Variants in LRMDA observed in about 807,000 individuals in gnomAD.
The protein encoded by LRMDA is leucine rich melanocyte differentiation associated.
Under a neutral mutation model 29.8 loss-of-function variants are expected in LRMDA, and 18 were observed. That is an observed-to-expected ratio of 0.60 (90% CI 0.42 to 0.90). The LOEUF (loss-of-function observed/expected upper bound fraction) is 0.90, where lower values mean the gene tolerates loss of function less well. Ranked by LOEUF, LRMDA falls within the 40% of genes least tolerant of loss-of-function variation. The probability of loss-of-function intolerance (pLI) is 0.00; values close to 1 mark genes in which losing one functional copy is unlikely to be tolerated. For synonymous variants in LRMDA, 125 were observed against 109.4 expected, an observed-to-expected ratio of 1.14 and a Z score of -0.89; for missense variants, 273 against 273.9, an observed-to-expected ratio of 1.00 and a Z score of 0.02.
intron 2 of LRMDA, among the ~76,000 whole-genome samples, chr10:75,469,476 C>T (rs1423074057): frequency 1.3e-5 from 2 of 152,056 alleles, no homozygotes; most frequent in African/African-American, 4.8e-5. Context: ...CCCTTTCCTT[C>T]CCAACCCCTT....
chr10:76,061,056 A>G (rs932392835), intron 5 of LRMDA, among the ~76,000 whole-genome samples: 2 of 152,222 alleles, frequency 1.3e-5, no homozygotes, highest in Non-Finnish European at 2.9e-5. Context: ...ATTCTATCAT[A>G]AAGACACATA....
At chr10:76,280,268 A>G (rs1840186260) in intron 5 of LRMDA, among the ~76,000 whole-genome samples, 1 of 152,174 alleles carries the variant, frequency 6.6e-6, no homozygotes, top group Non-Finnish European at 1.5e-5. Flanking sequence ...TGTGATGGAA[A>G]GAATGAAGGG....
chr10:75,435,477 C>T (rs990895902), intron 1 of LRMDA, among the ~76,000 whole-genome samples: 7 of 152,186 alleles, frequency 4.6e-5, no homozygotes, highest in African/African-American at 7.2e-5. Flanking sequence ...TCAGCCTGGT[C>T]GGCTTAACTC....
chr10:76,292,689 T>C (rs899308952), intron 5 of LRMDA, among the ~76,000 whole-genome samples: 5 of 152,086 alleles, frequency 3.3e-5, no homozygotes, highest in Non-Finnish European at 7.4e-5. Context: ...TGACTCTTTA[T>C]GCACACGCTT....
At chr10:75,446,990 A>G (rs1366578247) in intron 2 of LRMDA, among the ~76,000 whole-genome samples, 2 of 152,220 alleles carry the variant, frequency 1.3e-5, no homozygotes, top group African/African-American at 4.8e-5. Flanking sequence ...TTTGGGAAGC[A>G]TGCTGATATT....
At chr10:75,852,648 A>C (rs888774923) in intron 2 of LRMDA, among the ~76,000 whole-genome samples, 1 of 152,166 alleles carries the variant, frequency 6.6e-6, no homozygotes, top group Non-Finnish European at 1.5e-5. Context: ...CAGAGCTGAC[A>C]AGGAAATTCT....
intron 2 of LRMDA, among the ~76,000 whole-genome samples, chr10:75,727,764 T>G (rs568498534): frequency 2.6e-5 from 4 of 152,226 alleles, no homozygotes; most frequent in African/African-American, 7.2e-5. Context: ...ACATTTCTAG[T>G]GATGATTTGA....
At chr10:76,366,315 T>G (rs1841391487) in intron 6 of LRMDA, among the ~76,000 whole-genome samples, 1 of 152,212 alleles carries the variant, frequency 6.6e-6, no homozygotes, top group Non-Finnish European at 1.5e-5. Flanking sequence ...GTGTTGAATT[T>G]GTAGATTTCT....
At chr10:76,481,022 A>G (rs1283989122) in intron 6 of LRMDA, among the ~76,000 whole-genome samples, 1 of 151,942 alleles carries the variant, frequency 6.6e-6, no homozygotes, top group African/African-American at 2.4e-5. Flanking sequence ...GGATCAATTT[A>G]GAATTCAGAA....
rs532822468 is a variant in LRMDA, at chr10:76,302,128, C to T, written c.517-22273C>T. 6.6e-5 allele frequency among the ~76,000 whole-genome samples: 10 copies of T among 151,954 alleles called. No homozygotes were observed. In the South Asian group the frequency reaches 1.5e-3, roughly 22 times the overall value. ...CTGGCTCTATTTTTTTTTTCCAGAG[C>T]GCCCTCAGGTGCTCATGGAACATAC... On this transcript the variant is annotated intron_variant, in intron 5 of 6. Coordinates refer to ENST00000611255, the MANE Select transcript of LRMDA (RefSeq NM_001305581.2).
In LRMDA at chr10:76,007,060, C is replaced by T. The variant is rs1000267564; in HGVS notation, c.132-28948C>T. On this transcript the variant is annotated intron_variant, in intron 2 of 6. Transcript: ENST00000611255. ...CGTGTGTGTTTATATATTTATTTTC[C>T]GTCTCTCTGCCCCCTGGGCCTGCAG... Among the ~76,000 whole-genome samples, 23 of 130,044 alleles carry T rather than the reference C, an allele frequency of 1.8e-4. No homozygotes were observed. The East Asian group carries it at 2.1e-3, about 12-fold the overall frequency. The allele number at this position is 130,044 out of a possible 152,430, so 85.3% of individuals were successfully genotyped here.
intron 2 of LRMDA, among the ~76,000 whole-genome samples, chr10:75,761,495 A>G (rs1843093712): frequency 6.6e-6 from 1 of 152,328 alleles, no homozygotes; most frequent in Non-Finnish European, 1.5e-5. Context: ...AAATTCATAG[A>G]GACAGAAAGA....
intron 2 of LRMDA, among the ~76,000 whole-genome samples, chr10:75,465,423 A>G (rs1844636421): frequency 6.6e-6 from 1 of 152,236 alleles, no homozygotes; most frequent in African/African-American, 2.4e-5. Context: ...CCAGATCCAC[A>G]TGCAGACATC....
intron 5 of LRMDA, among the ~76,000 whole-genome samples, chr10:76,271,074 A>G (rs1840062857): frequency 6.6e-6 from 1 of 152,222 alleles, no homozygotes; most frequent in South Asian, 2.1e-4. Flanking sequence ...CCAAATCTAT[A>G]GTGACCTCTT....
At chr10:75,435,826 G>A (rs911204849) in intron 1 of LRMDA, among the ~76,000 whole-genome samples, 3 of 152,148 alleles carry the variant, frequency 2.0e-5, no homozygotes, top group Non-Finnish European at 4.4e-5. Context: ...TGGGTCCTCA[G>A]TGTAGCACCG....
At chr10:75,518,107 T>C (rs796834578) in intron 2 of LRMDA, among the ~76,000 whole-genome samples, 4 of 152,224 alleles carry the variant, frequency 2.6e-5, no homozygotes, top group African/African-American at 9.6e-5. Context: ...TTTGCCAGTA[T>C]TTTATTGAGG....
In LRMDA at chr10:76,062,656, CTGTGTGTG is replaced by C. The variant is rs376071517; in HGVS notation, c.516+3907_516+3914del. Among the ~76,000 whole-genome samples the C allele has an allele frequency of 8.0e-4, 111 of 139,278 alleles. 2 individuals carry two copies. Among genetic ancestry groups the C allele is most frequent in the African/African-American group, 1.9e-3 (69 of 36,116 alleles). The allele number at this position is 139,278 out of a possible 152,430, so 91.4% of individuals were successfully genotyped here. ...ATGGATGCTTCCAGACTTTATCTCT[CTGTGTGTG>C]TGTGTGTGTGTGTGTGTGTGTGTGT... is the stretch of plus-strand genomic sequence containing the variant. On this transcript the variant is annotated intron_variant, in intron 5 of 6. Transcript: ENST00000611255.
intron 2 of LRMDA, among the ~76,000 whole-genome samples, chr10:75,507,308 C>A (rs1469814907): frequency 6.6e-6 from 1 of 152,118 alleles, no homozygotes; most frequent in Non-Finnish European, 1.5e-5. Flanking sequence ...CACAGGGGTA[C>A]CCCAGCAAGG....
At chr10:75,624,017 CG>C (rs1841219603) in intron 2 of LRMDA, among the ~76,000 whole-genome samples, 1 of 152,112 alleles carries the variant, frequency 6.6e-6, no homozygotes, top group South Asian at 2.1e-4. Context: ...CGGGAATATA[CG>C]GAGCAAAATT....
Sources: gnomAD v4.1 joint callset for allele counts (sites outside exome capture counted in the v4.1 genomes callset) on GRCh38, gnomAD v4.1.1 for gene constraint, MANE v1.5 for transcripts, NCBI Gene and HGNC (gene_info 2026-07-23, HGNC 2026-07-21) for gene names.